CYP1A1: variants seen among roughly 807,000 people sequenced by gnomAD.
CYP1A1 encodes cytochrome P450 family 1 subfamily A member 1, also known as cytochrome P450 1A1.
A neutral mutation model predicts 33.6 loss-of-function variants in CYP1A1; 43 were observed. That is an observed-to-expected ratio of 1.28 (90% confidence interval 1.00 to 1.65). The LOEUF (loss-of-function observed/expected upper bound fraction) is 1.65. CYP1A1 is among the 40% of genes most tolerant of loss of function. CYP1A1 has a pLI of 0.00. For missense variants in CYP1A1, 637 were observed against 653.7 expected, an observed-to-expected ratio of 0.97 and a Z score of 0.28; for synonymous variants, 280 against 257.8, an observed-to-expected ratio of 1.09 and a Z score of -0.83.
chr15:74,724,764 G>A (rs925382416), intron 1 of CYP1A1, among the ~76,000 whole-genome samples: 8 of 151,714 alleles, frequency 5.3e-5, no homozygotes, highest in African/African-American at 1.9e-4. Context: ...ATGGTAGGAG[G>A]CCAAGGGAGA....
chr15:74,725,147 A>G (rs1473511207), intron 1 of CYP1A1: 1 of 152,710 alleles, frequency 6.5e-6, no homozygotes, highest in East Asian at 1.9e-4. Flanking sequence ...GCCCCAGGGT[A>G]GGCAGGGAGA....
rs1434731204 is a variant in CYP1A1, at chr15:74,720,950, T to C, written c.1253+17A>G. On this transcript the variant is annotated intron_variant, in intron 6 of 6. Coordinates refer to ENST00000379727, the MANE Select transcript of CYP1A1 (RefSeq NM_001319217.2). ...AAGAGGGTGGACCCAGCCTTTCCTC[T>C]GCATCTCTGAACTTACTGGTCATGG... The C allele has an allele frequency of 6.2e-7, 1 of 1,613,108 alleles. No individual in the cohort carries two copies. The highest frequency in any genetic ancestry group is 8.5e-7 in the Non-Finnish European group (1 of 1,179,144).
chr15:74,720,629 CCTCCCAGCGGGCAAT>C lies in CYP1A1; in HGVS notation c.1384_1398del (p.Ile462_Glu466del). The stretch of plus-strand genomic sequence containing the variant: ...AGCAGGATAGCCAGGAAGAGAAAGA[CCTCCCAGCGGGCAAT>C]GGTCTCACCGATACACTTCCGCTTG... On this transcript the variant is annotated inframe_deletion, in exon 7 of 7. Transcript: ENST00000379727. The C allele has an allele frequency of 1.2e-6, 2 of 1,614,216 alleles. No homozygotes were observed. Among genetic ancestry groups the C allele is most frequent in the South Asian group, 1.1e-5 (1 of 91,092 alleles).
intron 1 of CYP1A1, among the ~76,000 whole-genome samples, chr15:74,723,814 G>A (rs1193300839): frequency 2.6e-5 from 4 of 152,132 alleles, no homozygotes; most frequent in African/African-American, 7.2e-5. Context: ...AGACTCCTTA[G>A]GGACACTTCC....
In CYP1A1 at chr15:74,720,574, C is replaced by T; in HGVS notation, c.1454G>A (p.Gly485Asp). Residue 485 changes from glycine (G) to aspartate (D), a missense_variant, in exon 7 of 7, where the codon GGC becomes GAC. Transcript: ENST00000379727. ...GATGGGGGTCATGTCCACCTTCACGCCCAGTGGCACGCTGAATTCCACCCG... is the reference window on the plus strand; with the variant it reads ...GATGGGGGTCATGTCCACCTTCACGTCCAGTGGCACGCTGAATTCCACCCG... ...LQRVEFSVPL[G>D]VKVDMTPIYG... The T allele has an allele frequency of 1.2e-6, 2 of 1,613,402 alleles. No homozygotes were observed. Among genetic ancestry groups the T allele is most frequent in the Non-Finnish European group, 1.7e-6 (2 of 1,179,628 alleles).
intron 1 of CYP1A1, among the ~76,000 whole-genome samples, chr15:74,724,819 A>C (rs1379040468): frequency 2.6e-5 from 4 of 151,996 alleles, no homozygotes; most frequent in Non-Finnish European, 5.9e-5. Flanking sequence ...AGCTCCCTGC[A>C]GTTGGCAATC....
In CYP1A1 at chr15:74,722,904, C is replaced by T. The variant is rs1234721707; in HGVS notation, c.194G>A (p.Arg65Lys). 1 of 1,614,086 alleles carries T rather than the reference C, an allele frequency of 6.2e-7. No individual in the cohort carries two copies. The highest frequency in any genetic ancestry group is 1.3e-5 in the African/African-American group (1 of 74,930). The change falls in exon 2 of 7, where the codon AGG (arginine) becomes AAG (lysine). Residue 65 changes from arginine to lysine, a missense_variant. Arg to Lys is a conservative substitution (Grantham distance 26). Coordinates refer to ENST00000379727, the MANE Select transcript of CYP1A1 (RefSeq NM_001319217.2). ...CACGTCCCCATACTGCTGGCTCATCCTTGACAGTGCCAGGTGCGGGTTCTT... is the reference window on the plus strand; with the variant it reads ...CACGTCCCCATACTGCTGGCTCATCTTTGACAGTGCCAGGTGCGGGTTCTT... ...LGKNPHLALS[R>K]MSQQYGDVLQ...
In CYP1A1 at chr15:74,721,579, G is replaced by A. The variant is rs1458235885; in HGVS notation, c.952+12C>T. On this transcript the variant is annotated intron_variant, in intron 3 of 6. Coordinates refer to ENST00000379727, the MANE Select transcript of CYP1A1 (RefSeq NM_001319217.2). ...ACTTGAGCACAGGAAGGACACAATG[G>A]GGTAACCATACCAGCTCCAAAGAGG... 2.5e-6 allele frequency: 4 copies of A among 1,613,994 alleles called. No homozygotes were observed. Among genetic ancestry groups the A allele is most frequent in the Non-Finnish European group, 3.4e-6 (4 of 1,180,028 alleles).
rs1216958976 is a variant in CYP1A1, at chr15:74,719,673, A to G, written c.*816T>C. ...GCTCTTATGCAAGCATGCAAGCTCA[A>G]TGCAGGCTAGAATAGAAGGATTGTT... On this transcript the variant is annotated 3_prime_UTR_variant, in exon 7 of 7. Coordinates refer to ENST00000379727, the MANE Select transcript of CYP1A1 (RefSeq NM_001319217.2). 1 of 152,076 alleles carries G rather than the reference A, an allele frequency of 6.6e-6. No individual in the cohort carries two copies. The highest frequency in any genetic ancestry group is 1.5e-5 in the Non-Finnish European group (1 of 68,038). The allele number at this position is 152,076 out of a possible 1,614,324, so 9.4% of individuals were successfully genotyped here.
In CYP1A1 at chr15:74,721,436, C is replaced by G. The variant is rs1340288097; in HGVS notation, c.1020G>C (p.Gln340His). 6.2e-7 allele frequency: 1 copy of G among 1,614,182 alleles called. No individual in the cohort carries two copies. Among genetic ancestry groups the G allele is most frequent in the East Asian group, 2.2e-5 (1 of 44,882 alleles). The change falls in exon 4 of 7, where the codon CAG (glutamine) becomes CAC (histidine). Residue 340 changes from glutamine (Q) to histidine (H), a missense_variant. Physicochemically the swap from Gln to His is conservative, Grantham distance 24. Coordinates refer to ENST00000379727, the MANE Select transcript of CYP1A1 (RefSeq NM_001319217.2). ...TACCTAGCTCCTCTTGGATCTTTCT[C>G]TGTACCCTGGGGTTCATCACCAAAT... ...LMYLVMNPRV[Q>H]RKIQEELDTV...
rs2063187472 is a variant in CYP1A1 at position 74,723,066 on chromosome 15, T to A, written c.32A>T (p.Glu11Val). The A allele has an allele frequency of 1.3e-6, 2 of 1,598,082 alleles. No homozygotes were observed. The highest frequency in any genetic ancestry group is 1.7e-6 in the Non-Finnish European group (2 of 1,169,888). ...GAAGATGACAGAGGCCAGAAGAAACTCCGTGGCCGACATGGAGATTGGGAA... is the reference window on the plus strand; with the variant it reads ...GAAGATGACAGAGGCCAGAAGAAACACCGTGGCCGACATGGAGATTGGGAA... MLFPISMSAT[E>V]FLLASVIFCL... Residue 11 changes from glutamate (E) to valine (V), a missense_variant, in exon 2 of 7, where the codon GAG (glutamate) becomes GTG (valine). Transcript: ENST00000379727.
At position 74,721,820 on chromosome 15, in the gene CYP1A1, T is replaced by C. The variant is rs188050544; in HGVS notation, c.826-103A>G. 796 of 1,440,598 alleles carry C rather than the reference T, an allele frequency of 5.5e-4. 1 individual carries two copies. The highest frequency in any genetic ancestry group is 6.8e-4 in the Non-Finnish European group (725 of 1,061,838). The allele number at this position is 1,440,598 out of a possible 1,614,324, so 89.2% of individuals were successfully genotyped here. ...ATTCCTAGCACATTTGTTCTGGAGG[T>C]GATGCCCCCTGAGGCTGTTGTCCCA... On this transcript the variant is annotated intron_variant, in intron 2 of 6. Transcript: ENST00000379727.
chr15:74,724,913 C>T (rs2063203459), intron 1 of CYP1A1, among the ~76,000 whole-genome samples: 1 of 152,162 alleles, frequency 6.6e-6, no homozygotes, highest in African/African-American at 2.4e-5. Flanking sequence ...ACAGATCTGC[C>T]TCTATTGTCC....
At position 74,721,220 on chromosome 15, in the gene CYP1A1, A is replaced by G. The variant is rs1174492608; in HGVS notation, c.1145T>C (p.Val382Ala). 6.2e-7 allele frequency: 1 copy of G among 1,613,306 alleles called. No individual in the cohort carries two copies. Among genetic ancestry groups the G allele is most frequent in the Non-Finnish European group, 8.5e-7 (1 of 1,179,598 alleles). The change falls in exon 5 of 7, where the codon GTC (valine) becomes GCC (alanine). Residue 382 changes from valine to alanine, a missense_variant. By Grantham distance (64) the Val-to-Ala change is moderately conservative. Transcript: ENST00000379727. ...ILETFRHSSF[V>A]PFTIPHSTTR... The stretch of plus-strand genomic sequence containing the variant: ...TTACCTGTGGGGGATGGTGAAGGGG[A>G]CGAAGGAAGAGTGTCGGAAGGTCTC...
In CYP1A1 at chr15:74,721,297, C is replaced by T. The variant is rs757872883; in HGVS notation, c.1068G>A (p.Arg356=). The change falls in exon 5 of 7, where the codon CGG becomes CGA. Residue 356 remains arginine, a synonymous_variant. Transcript: ENST00000379727. ...ELDTVIGRSR[R]PRLSDRSHLP... ...GATGGGATCTGTCAGAGAGCCGGGGCCGCCGTGACCTGCCAATCACTGTGT... is the reference window on the plus strand; with the variant it reads ...GATGGGATCTGTCAGAGAGCCGGGGTCGCCGTGACCTGCCAATCACTGTGT... The T allele has an allele frequency of 6.2e-7, 1 of 1,613,556 alleles. No homozygotes were observed. The highest frequency in any genetic ancestry group is 1.3e-5 in the African/African-American group (1 of 75,010).
intron 2 of CYP1A1, chr15:74,721,950 A>T: frequency 3.3e-6 from 2 of 604,514 alleles, no homozygotes; most frequent in Non-Finnish European, 2.9e-6. Flanking sequence ...TATCATCTGG[A>T]TGTGCTCTTT....
At chr15:74,721,076 C>T (rs2063165569) in intron 5 of CYP1A1, 23 bp from the exon 6 acceptor site, 1 of 1,613,532 alleles carries the variant, frequency 6.2e-7, no homozygotes, top group Admixed American at 1.7e-5. Flanking sequence ...GAAGCTCAGT[C>T]AGGCTCAGGG....
intron 6 of CYP1A1, 35 bp from the exon 7 acceptor site, chr15:74,720,809 C>A: frequency 6.3e-7 from 1 of 1,589,916 alleles, no homozygotes; most frequent in South Asian, 1.2e-5. Flanking sequence ...AGTGGCAGTT[C>A]AGGGCTCAGA....
intron 2 of CYP1A1, chr15:74,722,039 C>T: frequency 5.0e-6 from 3 of 594,582 alleles, no homozygotes; most frequent in Non-Finnish European, 8.9e-6. Flanking sequence ...CAGGGTCCTG[C>T]ATGTAATGAC....
Sources: allele counts gnomAD v4.1 joint callset (sites outside exome capture counted in the v4.1 genomes callset), GRCh38; gene constraint gnomAD v4.1.1; transcripts MANE v1.5; gene names NCBI Gene and HGNC (gene_info 2026-07-23, HGNC 2026-07-21).